RYR3: variants seen among roughly 807,000 people sequenced by gnomAD.
The protein encoded by RYR3 is brain ryanodine receptor-calcium release channel.
RYR3 carries 207 observed loss-of-function variants against 584.3 expected under a neutral mutation model. The observed-to-expected ratio is 0.35, with a 90% confidence interval of 0.32 to 0.40. The LOEUF (loss-of-function observed/expected upper bound fraction) is 0.40, where lower values mean the gene tolerates loss of function less well. Among genes scored for constraint, RYR3 ranks in the 10% least tolerant of loss-of-function variants. The pLI, the probability that RYR3 is intolerant of heterozygous loss-of-function variation, is 1.00. For missense variants in RYR3, 5,616 were observed against 6,089.2 expected (o/e 0.92, Z 2.59); for synonymous variants, 2,416 against 2,248.5 (o/e 1.07, Z -2.11).
intron 93 of RYR3, among the ~76,000 whole-genome samples, chr15:33,846,418 T>C (rs1056113642): frequency 6.6e-6 from 1 of 152,192 alleles, no homozygotes; most frequent in African/African-American, 2.4e-5. Context: ...ATGTCAATCT[T>C]CTGTCATTCA....
intron 43 of RYR3, among the ~76,000 whole-genome samples, chr15:33,710,611 G>A (rs183369443): frequency 8.5e-5 from 13 of 152,282 alleles, no homozygotes; most frequent in Admixed American, 7.2e-4. Flanking sequence ...TACTGCCCTA[G>A]TAGAGGTATT....
intron 1 of RYR3, among the ~76,000 whole-genome samples, chr15:33,351,984 GA>G (rs1379506667): frequency 6.6e-6 from 1 of 152,150 alleles, no homozygotes; most frequent in Non-Finnish European, 1.5e-5. Flanking sequence ...GTTTGCAGAT[GA>G]CATGATTGTA....
intron 1 of RYR3, among the ~76,000 whole-genome samples, chr15:33,442,049 A>G (rs1567244199): frequency 6.6e-6 from 1 of 152,228 alleles, no homozygotes; most frequent in Non-Finnish European, 1.5e-5. Context: ...TACCTATAAG[A>G]TGAAGCCAGA....
intron 16 of RYR3, among the ~76,000 whole-genome samples, chr15:33,595,645 T>C (rs2059334518): frequency 6.6e-6 from 1 of 152,154 alleles, no homozygotes; most frequent in South Asian, 2.1e-4. Context: ...TTTATTTTGA[T>C]TGACATCTTC....
intron 90 of RYR3, 53 bp downstream of exon 90, chr15:33,840,936 G>C (rs922651033): frequency 6.4e-7 from 1 of 1,551,982 alleles, no homozygotes; most frequent in Non-Finnish European, 8.9e-7. Flanking sequence ...ATAATTCTTA[G>C]GCCAGGCAGA....
intron 1 of RYR3, among the ~76,000 whole-genome samples, chr15:33,428,190 G>A (rs775641462): frequency 2.6e-5 from 4 of 152,172 alleles, no homozygotes; most frequent in Non-Finnish European, 4.4e-5. Context: ...TCATATAGAT[G>A]GCGCACATTT....
intron 16 of RYR3, among the ~76,000 whole-genome samples, chr15:33,588,455 C>T (rs2058965350): frequency 6.6e-6 from 1 of 152,148 alleles, no homozygotes; most frequent in African/African-American, 2.4e-5. Context: ...AAAGCATTTC[C>T]TTTGCTTTTT....
chr15:33,691,401 CGAGCTCCCAG>C (rs1566960100), intron 38 of RYR3, among the ~76,000 whole-genome samples: 5 of 152,174 alleles, frequency 3.3e-5, no homozygotes, highest in African/African-American at 1.2e-4. Context: ...GGGAAGCTGT[CGAGCTCCCAG>C]TGGCAGCTAA....
At chr15:33,408,516 G>A (rs1312055710) in intron 1 of RYR3, among the ~76,000 whole-genome samples, 4 of 152,316 alleles carry the variant, frequency 2.6e-5, no homozygotes, top group African/African-American at 9.6e-5. Flanking sequence ...TATATACCCA[G>A]TAATGAGATT....
At chr15:33,851,658 T>C (rs1200542466) in intron 94 of RYR3, 1 of 152,212 alleles carries the variant, frequency 6.6e-6, no homozygotes, top group Admixed American at 6.5e-5. Flanking sequence ...GAAGGGGTCA[T>C]GCCCAGAGCC....
At position 33,477,670 on chromosome 15, in the gene RYR3, T is replaced by A. The variant is rs187757014; in HGVS notation, c.171+4132T>A. ...ATGGGCGGATCACGAGGTCAGGAGA[T>A]GGAGACCATCCTGGCTAACACGGTG... On this transcript the variant is annotated intron_variant, in intron 2 of 103. Transcript: ENST00000634891. 3.7e-3 allele frequency among the ~76,000 whole-genome samples: 557 copies of A among 149,960 alleles called. 4 individuals carry two copies. The highest frequency in any genetic ancestry group is 0.013 in the African/African-American group (532 of 40,522).
chr15:33,729,502 T>G (rs932989462), intron 47 of RYR3, among the ~76,000 whole-genome samples: 1 of 152,166 alleles, frequency 6.6e-6, no homozygotes, highest in African/African-American at 2.4e-5. Context: ...CTTCACACTC[T>G]CGCTTCTTAG....
intron 1 of RYR3, among the ~76,000 whole-genome samples, chr15:33,372,661 G>A (rs555096063): frequency 3.5e-4 from 53 of 151,594 alleles, no homozygotes; most frequent in Middle Eastern, 3.4e-3. Context: ...CACCACGCCC[G>A]GCCCCAGCTA....
At chr15:33,572,658 T>TACACACACACACAC (rs57835355) in intron 12 of RYR3, among the ~76,000 whole-genome samples, 2 of 124,514 alleles carry the variant, frequency 1.6e-5, no homozygotes, top group Admixed American at 8.5e-5. Flanking sequence ...AAACTATATA[T>TACACACACACACAC]ACACACACAC....
At chr15:33,560,596 G>A (rs1188009592) in intron 10 of RYR3, among the ~76,000 whole-genome samples, 2 of 152,184 alleles carry the variant, frequency 1.3e-5, no homozygotes, top group East Asian at 3.9e-4. Flanking sequence ...AACAGTTGTG[G>A]TGTGCATAAT....
At chr15:33,612,988 T>C (rs2060271963) in intron 18 of RYR3, among the ~76,000 whole-genome samples, 195 bp from the exon 19 acceptor site, 1 of 152,172 alleles carries the variant, frequency 6.6e-6, no homozygotes, top group South Asian at 2.1e-4. Context: ...CTCGCCAGCT[T>C]AGGAATTCAT....
chr15:33,807,868 G>A (rs2076288265), intron 70 of RYR3: 1 of 433,762 alleles, frequency 2.3e-6, no homozygotes, highest in East Asian at 4.0e-5. Flanking sequence ...ACAGAGATAG[G>A]GATGACTGAC....
intron 85 of RYR3, among the ~76,000 whole-genome samples, chr15:33,829,158 C>T (rs980760387): frequency 3.4e-5 from 5 of 147,784 alleles, no homozygotes; most frequent in Non-Finnish European, 6.0e-5. Flanking sequence ...CTGTTGACAC[C>T]AACTGCTCAG....
chr15:33,666,782 A>G (rs1344745678), intron 36 of RYR3, among the ~76,000 whole-genome samples: 2 of 152,228 alleles, frequency 1.3e-5, no homozygotes, highest in African/African-American at 2.4e-5. Context: ...AAGCATAGCC[A>G]GCTGGCCTTT....
Sources: gnomAD v4.1 joint callset for allele counts (sites outside exome capture counted in the v4.1 genomes callset) on GRCh38, gnomAD v4.1.1 for gene constraint, MANE v1.5 for transcripts, NCBI Gene and HGNC (gene_info 2026-07-23, HGNC 2026-07-21) for gene names.